The following SERPINB7 variants were observed in gnomAD, a reference collection of about 807,000 sequenced individuals.
The protein encoded by SERPINB7 is serpin B7.
A neutral mutation model predicts 37.4 loss-of-function variants in SERPINB7; 31 were observed. The observed-to-expected ratio is 0.83, with a 90% CI of 0.62 to 1.12. The LOEUF (loss-of-function observed/expected upper bound fraction) is 1.12, where lower values mean the gene tolerates loss of function less well. Among genes scored for constraint, SERPINB7 ranks in the 50% most tolerant of loss-of-function variants. SERPINB7 has a pLI of 0.00. For synonymous variants in SERPINB7, 163 were observed against 166.1 expected (o/e 0.98, Z 0.14); for missense variants, 521 against 455.3 (o/e 1.14, Z -1.31).
At chr18:63,784,030 A>G (rs1369242676) in intron 2 of SERPINB7, among the ~76,000 whole-genome samples, 1 of 152,146 alleles carries the variant, frequency 6.6e-6, no homozygotes, top group African/African-American at 2.4e-5. Context: ...CAACACTTTA[A>G]TGAGATGATA....
At chr18:63,792,786 A>T (rs538062512) in intron 3 of SERPINB7, among the ~76,000 whole-genome samples, 10 of 152,280 alleles carry the variant, frequency 6.6e-5, no homozygotes, top group Admixed American at 5.9e-4. Context: ...CTTGTTATTT[A>T]TTACTTTAGT....
chr18:63,804,068 C>G (rs2049578321), intron 7 of SERPINB7, among the ~76,000 whole-genome samples, 169 bp from the exon 8 acceptor site: 1 of 152,156 alleles, frequency 6.6e-6, no homozygotes, highest in Non-Finnish European at 1.5e-5. Flanking sequence ...AGTACTTGAG[C>G]TATTCATTTT....
intron 1 of SERPINB7, among the ~76,000 whole-genome samples, chr18:63,762,661 A>G (rs1315184987): frequency 6.6e-6 from 1 of 152,164 alleles, no homozygotes; most frequent in Non-Finnish European, 1.5e-5. Flanking sequence ...AAAACTAACA[A>G]GAGTTAGAAG....
intron 1 of SERPINB7, among the ~76,000 whole-genome samples, chr18:63,770,098 C>G (rs1235224840): frequency 6.7e-6 from 1 of 149,662 alleles, no homozygotes; most frequent in African/African-American, 2.5e-5. Context: ...TGGTTCTACC[C>G]TACAGTTTTT....
intron 4 of SERPINB7, among the ~76,000 whole-genome samples, chr18:63,795,889 G>A: frequency 6.6e-6 from 1 of 152,132 alleles, no homozygotes; most frequent in East Asian, 1.9e-4. Flanking sequence ...TGTCTTGAGT[G>A]CAATAATGTA....
rs538386326 is a variant in SERPINB7 at position 63,796,363 on chromosome 18, G to C, written c.434G>C (p.Trp145Ser). The C allele has an allele frequency of 6.3e-7, 1 of 1,594,080 alleles. No individual in the cohort carries two copies. Among genetic ancestry groups the C allele is most frequent in the East Asian group, 2.2e-5 (1 of 44,698 alleles). ...GACACTAGACGTAATATTAATAAGT[G>C]GGTTGAAAATGAAACACATGGTGAG... is the stretch of plus-strand genomic sequence containing the variant. ...LEDTRRNINK[W>S]VENETHGKIK... is the part of the protein sequence containing the mutation. The change falls in exon 5 of 8, where the codon TGG becomes TCG. Residue 145 changes from tryptophan (W) to serine (S), a missense_variant. Trp to Ser is a radical substitution (Grantham distance 177, BLOSUM62 -3). Transcript: ENST00000398019.
At chr18:63,756,001 A>G (rs1256433582) in intron 1 of SERPINB7, among the ~76,000 whole-genome samples, 1 of 152,134 alleles carries the variant, frequency 6.6e-6, no homozygotes, top group Non-Finnish European at 1.5e-5. Context: ...AACGGTGGAA[A>G]CAAATAGTAA....
At chr18:63,791,304 A>T (rs1171879168) in intron 2 of SERPINB7, among the ~76,000 whole-genome samples, 1 of 152,166 alleles carries the variant, frequency 6.6e-6, no homozygotes, top group South Asian at 2.1e-4. Flanking sequence ...ATAAATAAAT[A>T]TTTTTTAAAA....
chr18:63,761,696 G>T (rs112007367), intron 1 of SERPINB7, among the ~76,000 whole-genome samples: 4,968 of 152,232 alleles, frequency 0.033, 126 homozygotes, highest in African/African-American at 0.066. Context: ...AGTCTCACAA[G>T]ATCTGATGGA....
chr18:63,790,471 G>T (rs1218371742), intron 2 of SERPINB7, among the ~76,000 whole-genome samples: 2 of 152,114 alleles, frequency 1.3e-5, no homozygotes, highest in African/African-American at 4.8e-5. Context: ...AGACTAATAT[G>T]GTCAAAATTA....
intron 2 of SERPINB7, among the ~76,000 whole-genome samples, chr18:63,791,955 G>A (rs2049433850): frequency 6.6e-6 from 1 of 152,138 alleles, no homozygotes; most frequent in Non-Finnish European, 1.5e-5. Context: ...TGAAGAAGGT[G>A]GTCACATTTC....
intron 2 of SERPINB7, among the ~76,000 whole-genome samples, chr18:63,786,316 A>G (rs1030737781): frequency 8.7e-5 from 13 of 149,868 alleles, no homozygotes; most frequent in African/African-American, 2.9e-4. Flanking sequence ...TTTGGATTAT[A>G]TATGTATGAG....
chr18:63,804,498 G>T lies in SERPINB7; in HGVS notation c.1006G>T (p.Ala336Ser). Reference protein sequence around the residue: ...YIEVTEEGTEATAATGSNIVE... With the variant: ...YIEVTEEGTESTAATGSNIVE... ...AGAGGTCACTGAGGAGGGCACCGAG[G>T]CTACTGCTGCCACAGGAAGTAATAT... Residue 336 changes from alanine (A) to serine (S), a missense_variant, in exon 8 of 8, where the codon GCT becomes TCT. Transcript: ENST00000398019. 9 of 1,613,750 alleles carry T rather than the reference G, an allele frequency of 5.6e-6. No homozygotes were observed. Among genetic ancestry groups the T allele is most frequent in the Non-Finnish European group, 7.6e-6 (9 of 1,179,866 alleles).
At chr18:63,782,193 T>C (rs939682819) in intron 1 of SERPINB7, among the ~76,000 whole-genome samples, 162 bp from the exon 2 acceptor site, 1 of 152,114 alleles carries the variant, frequency 6.6e-6, no homozygotes, top group East Asian at 1.9e-4. Flanking sequence ...ACAAGGATAC[T>C]GGGCCAAGGG....
chr18:63,754,115 C>G (rs1438379698), intron 1 of SERPINB7, among the ~76,000 whole-genome samples: 2 of 152,084 alleles, frequency 1.3e-5, no homozygotes, highest in Non-Finnish European at 2.9e-5. Flanking sequence ...GTTTTTAATG[C>G]TAATATATAA....
Position 63,800,959 on chromosome 18 carries a change from T to C in SERPINB7, c.691T>C (p.Tyr231His). The change falls in exon 7 of 8, where the codon TAC (tyrosine) becomes CAC (histidine). Residue 231 changes from tyrosine to histidine, a missense_variant. Tyr to His is a moderately conservative substitution (Grantham distance 83, BLOSUM62 2). Coordinates refer to ENST00000398019, the MANE Select transcript of SERPINB7 (RefSeq NM_003784.4). ...ATCAATGAAGATTCTTGAGCTCAGA[T>C]ACAATGGTGGCATAAACATGTACGT... ...DPSMKILELR[Y>H]NGGINMYVLL... 1 of 1,614,030 alleles carries C rather than the reference T, an allele frequency of 6.2e-7. No individual in the cohort carries two copies. The highest frequency in any genetic ancestry group is 8.5e-7 in the Non-Finnish European group (1 of 1,179,898).
At chr18:63,787,621 A>G (rs2049385388) in intron 2 of SERPINB7, among the ~76,000 whole-genome samples, 2 of 152,188 alleles carry the variant, frequency 1.3e-5, no homozygotes. Flanking sequence ...ACATATTCCT[A>G]AATAATTCTT....
At chr18:63,763,908 G>T (rs974318145) in intron 1 of SERPINB7, among the ~76,000 whole-genome samples, 1 of 152,146 alleles carries the variant, frequency 6.6e-6, no homozygotes, top group African/African-American at 2.4e-5. Flanking sequence ...TCCATGACTT[G>T]GGAATGCATT....
intron 2 of SERPINB7, among the ~76,000 whole-genome samples, chr18:63,784,025 C>T (rs189075901): frequency 2.6e-5 from 4 of 152,182 alleles, no homozygotes; most frequent in Admixed American, 6.5e-5. Context: ...GGATACAACA[C>T]TTTAATGAGA....
Sources: allele counts gnomAD v4.1 joint callset (sites outside exome capture counted in the v4.1 genomes callset), GRCh38; gene constraint gnomAD v4.1.1; transcripts MANE v1.5; gene names NCBI Gene and HGNC (gene_info 2026-07-23, HGNC 2026-07-21).